The following PTCSC3 variants were observed in gnomAD, a reference collection of about 807,000 sequenced individuals.
PTCSC3 encodes papillary thyroid carcinoma susceptibility candidate 3, also known as papillary thyroid carcinoma susceptibility candidate 3 (non-protein coding).
At chr14:36,158,059 A>G (rs570983058) in intron 2 of PTCSC3, among the ~76,000 whole-genome samples, 4 of 151,706 alleles carry the variant, frequency 2.6e-5, no homozygotes, top group African/African-American at 9.6e-5. Flanking sequence ...CTGTTTTTCT[A>G]TTATTGGTGT....
intron 3 of PTCSC3, among the ~76,000 whole-genome samples, chr14:36,145,338 T>G (rs1305484036): frequency 6.6e-6 from 1 of 151,530 alleles, no homozygotes; most frequent in Non-Finnish European, 1.5e-5. Flanking sequence ...CAATTTCAGA[T>G]CCTGTTATTG....
At chr14:36,156,178 G>A (rs1332592258) in intron 2 of PTCSC3, among the ~76,000 whole-genome samples, 3 of 152,176 alleles carry the variant, frequency 2.0e-5, no homozygotes, top group African/African-American at 4.8e-5. Context: ...TGCTCATGGT[G>A]AGCATTGCAG....
At chr14:36,150,347 GACCCTGAAACAAGGT>G (rs373763787) in intron 3 of PTCSC3, among the ~76,000 whole-genome samples, 17 of 152,192 alleles carry the variant, frequency 1.1e-4, no homozygotes, top group African/African-American at 3.4e-4. Flanking sequence ...ACCACATGAG[GACCCTGAAACAAGGT>G]ACCCTGAAAC....
intron 1 of PTCSC3, among the ~76,000 whole-genome samples, chr14:36,173,734 T>C (rs1882229911): frequency 6.6e-6 from 1 of 152,146 alleles, no homozygotes; most frequent in South Asian, 2.1e-4. Context: ...TTTAAATTTC[T>C]CTTTCACCTG....
chr14:36,148,880 A>G (rs144796733), intron 3 of PTCSC3, among the ~76,000 whole-genome samples: 3,816 of 152,034 alleles, frequency 0.025, 149 homozygotes, highest in Admixed American at 0.1. Flanking sequence ...CTCCTCTTTC[A>G]TTTCTGATAC....
chr14:36,149,092 C>G (rs1467793521), intron 3 of PTCSC3, among the ~76,000 whole-genome samples: 1 of 151,870 alleles, frequency 6.6e-6, no homozygotes, highest in Admixed American at 6.6e-5. Context: ...GCTTAGGTTA[C>G]TGATTTTAGG....
intron 1 of PTCSC3, among the ~76,000 whole-genome samples, chr14:36,168,380 T>TATAC (rs1482068109): frequency 4.2e-5 from 6 of 143,782 alleles, no homozygotes; most frequent in African/African-American, 1.6e-4. Context: ...TATATATATA[T>TATAC]ATATATATAT....
At chr14:36,161,325 T>A (rs1050948125) in intron 2 of PTCSC3, among the ~76,000 whole-genome samples, 25 of 152,212 alleles carry the variant, frequency 1.6e-4, no homozygotes, top group African/African-American at 6.0e-4. Context: ...ATTTTCAGTC[T>A]TTTTGTGCTG....
At chr14:36,137,126 A>T (rs530338105) in intron 3 of PTCSC3, among the ~76,000 whole-genome samples, 1 of 152,326 alleles carries the variant, frequency 6.6e-6, no homozygotes, top group Non-Finnish European at 1.5e-5. Flanking sequence ...TGGCTTCACA[A>T]AGAAGATAAC....
chr14:36,159,252 C>T (rs1169141), intron 2 of PTCSC3, among the ~76,000 whole-genome samples: 89,159 of 146,434 alleles, frequency 0.61, 27,958 homozygotes, highest in Middle Eastern at 0.69. Flanking sequence ...TTCCTTCAGT[C>T]CTGCTCTGAT....
chr14:36,175,001 C>T (rs1882257378), intron 1 of PTCSC3, among the ~76,000 whole-genome samples: 1 of 152,172 alleles, frequency 6.6e-6, no homozygotes, highest in Non-Finnish European at 1.5e-5. Flanking sequence ...TCTAGTAAAG[C>T]TCGGGTCGCC....
chr14:36,169,190 G>A lies in PTCSC3; in HGVS notation n.172-6507C>T, dbSNP rs910393798. Reference sequence around the variant, plus strand: ...GGAGGCAAAATTTTAAAACTCAGCTGTGGGACAAACATACTGCCTTAAATT... The same window carrying A: ...GGAGGCAAAATTTTAAAACTCAGCTATGGGACAAACATACTGCCTTAAATT... On this transcript the variant is annotated intron_variant and non_coding_transcript_variant, in intron 1 of 3. Coordinates refer to ENST00000556013, the Ensembl canonical transcript of PTCSC3. 2.0e-5 allele frequency among the ~76,000 whole-genome samples: 3 copies of A among 152,088 alleles called. No homozygotes were observed. In the East Asian group the frequency reaches 5.8e-4, roughly 29 times the overall value.
intron 1 of PTCSC3, among the ~76,000 whole-genome samples, chr14:36,167,169 A>C (rs1882106247): frequency 6.6e-6 from 1 of 152,232 alleles, no homozygotes; most frequent in Non-Finnish European, 1.5e-5. Context: ...AACTTATTTC[A>C]GTACTTTTTC....
intron 3 of PTCSC3, among the ~76,000 whole-genome samples, chr14:36,140,928 C>T (rs1046257258): frequency 8.6e-5 from 13 of 152,024 alleles, no homozygotes; most frequent in African/African-American, 2.7e-4. Context: ...GTCTGTGTCT[C>T]GACTTTTTTG....
At chr14:36,158,892 T>C (rs1881886927) in intron 2 of PTCSC3, among the ~76,000 whole-genome samples, 1 of 152,198 alleles carries the variant, frequency 6.6e-6, no homozygotes. Flanking sequence ...CTTGAATTTT[T>C]TTGGTTGGTA....
At chr14:36,168,280 C>T (rs1882130638) in intron 1 of PTCSC3, among the ~76,000 whole-genome samples, 1 of 150,314 alleles carries the variant, frequency 6.7e-6, no homozygotes, top group African/African-American at 2.5e-5. Flanking sequence ...TTTACCTAAA[C>T]AACACCCTCT....
chr14:36,148,254 C>T (rs374813070), intron 3 of PTCSC3, among the ~76,000 whole-genome samples: 1 of 152,166 alleles, frequency 6.6e-6, no homozygotes, highest in Non-Finnish European at 1.5e-5. Context: ...GGGCTCCCCT[C>T]CCCCAGCCTC....
chr14:36,140,584 T>G (rs1881396725), intron 3 of PTCSC3, among the ~76,000 whole-genome samples: 1 of 152,226 alleles, frequency 6.6e-6, no homozygotes, highest in South Asian at 2.1e-4. Context: ...TAATGACATG[T>G]GATGCTGAAC....
chr14:36,137,436 T>G (rs1347146604), intron 3 of PTCSC3, among the ~76,000 whole-genome samples: 1 of 152,134 alleles, frequency 6.6e-6, no homozygotes, highest in Non-Finnish European at 1.5e-5. Flanking sequence ...AGATGATGAT[T>G]ATGGTGCTGG....
Sources: allele counts gnomAD v4.1 joint callset (sites outside exome capture counted in the v4.1 genomes callset), GRCh38; gene constraint gnomAD v4.1.1; transcripts MANE v1.5; gene names NCBI Gene and HGNC (gene_info 2026-07-23, HGNC 2026-07-21).